Variants in MINPP1 observed in about 807,000 individuals in gnomAD.
The protein encoded by MINPP1 is multiple inositol polyphosphate phosphatase 1.
In MINPP1, 28 loss-of-function variants were observed where a neutral mutation model predicts 46.1. The ratio of observed to expected loss-of-function variants is 0.61; its 90% CI spans 0.45 to 0.83. The LOEUF is 0.83. Among genes scored for constraint, MINPP1 ranks in the 40% least tolerant of loss-of-function variants. The pLI is 0.00. For synonymous variants in MINPP1, 268 were observed against 249.1 expected (o/e 1.08, Z -0.72); for missense variants, 603 against 610.0 (o/e 0.99, Z 0.12).
In MINPP1 at chr10:87,517,182, G is replaced by T. The variant is rs372751917; in HGVS notation, c.934-3854G>T. 4.6e-5 allele frequency among the ~76,000 whole-genome samples: 7 copies of T among 152,140 alleles called. No individual in the cohort carries two copies. The East Asian group carries it at 7.7e-4, about 17-fold the overall frequency. On this transcript the variant is annotated intron_variant, in intron 3 of 4. Coordinates refer to ENST00000371996, the MANE Select transcript of MINPP1 (RefSeq NM_004897.5). ...TCCCACGACACAAGTTAAAAAAAAA[G>T]CTTCCCATTTATAGATTGCTACTTA...
chr10:87,540,495 TCACACACACACACA>T (rs3062345), intron 4 of MINPP1, among the ~76,000 whole-genome samples: 164 of 149,166 alleles, frequency 1.1e-3, no homozygotes, highest in Non-Finnish European at 2.0e-3. Flanking sequence ...TCTCTCTCTG[TCACACACACACACA>T]CACACACACA....
intron 4 of MINPP1, among the ~76,000 whole-genome samples, chr10:87,543,225 A>C (rs553106946): frequency 1.3e-5 from 2 of 152,294 alleles, no homozygotes; most frequent in East Asian, 3.9e-4. Context: ...AAATGACTTA[A>C]AGTTAGAACT....
intron 3 of MINPP1, 41 bp downstream of exon 3, chr10:87,513,262 AT>A (rs1043738868): frequency 5.2e-5 from 79 of 1,514,806 alleles, no homozygotes; most frequent in Admixed American, 1.5e-4. Flanking sequence ...TTTTAAAAAA[AT>A]TTTTTTTGGC....
rs1196551311 is a variant in MINPP1 at position 87,505,431 on chromosome 10, G to A, written c.516G>A (p.Glu172=). ...ASLFPALFSR[E]NYGRLRLITS... ...TCTTCCCGGCCCTTTTCAGCCGTGA[G>A]AACTACGGCCGCCTGCGGCTCATCA... Residue 172 remains glutamate (E), a synonymous_variant, in exon 1 of 5, where the codon GAG becomes GAA. Transcript: ENST00000371996. The surrounding 1 kb of genome is among the most constrained non-coding windows in gnomAD (Gnocchi z 4.4). 3 of 1,613,386 alleles carry A rather than the reference G, an allele frequency of 1.9e-6. No homozygotes were observed. The highest frequency in any genetic ancestry group is 2.5e-6 in the Non-Finnish European group (3 of 1,179,766).
chr10:87,522,527 A>G (rs966846512), intron 4 of MINPP1, among the ~76,000 whole-genome samples: 1 of 152,252 alleles, frequency 6.6e-6, no homozygotes, highest in Non-Finnish European at 1.5e-5. Context: ...CGGTGCATAT[A>G]AAAGTTATGT....
chr10:87,547,528 T>A (rs1226825411), intron 4 of MINPP1, among the ~76,000 whole-genome samples: 5 of 152,182 alleles, frequency 3.3e-5, no homozygotes, highest in Admixed American at 6.5e-5. Context: ...CCAAGTAAAA[T>A]TTTTTGGTAT....
chr10:87,538,320 C>G (rs372598600), intron 4 of MINPP1, among the ~76,000 whole-genome samples: 2 of 152,142 alleles, frequency 1.3e-5, no homozygotes, highest in South Asian at 4.1e-4. Context: ...AGGGCGACTT[C>G]CCGAGCTGTT....
chr10:87,508,886 AT>A (rs5786777), intron 2 of MINPP1, among the ~76,000 whole-genome samples: 17,116 of 152,150 alleles, frequency 0.11, 2,045 homozygotes, highest in East Asian at 0.31. Flanking sequence ...AATCATATAA[AT>A]TCTTTAGCTT....
chr10:87,553,260 A>T lies in MINPP1; in HGVS notation c.*782A>T, dbSNP rs1470038159. 2.0e-5 allele frequency: 3 copies of T among 151,970 alleles called. No homozygotes were observed. The highest frequency in any genetic ancestry group is 4.4e-5 in the Non-Finnish European group (3 of 67,968). The allele number at this position is 151,970 out of a possible 1,614,324, so 9.4% of individuals were successfully genotyped here. On this transcript the variant is annotated 3_prime_UTR_variant, in exon 5 of 5. Transcript: ENST00000371996. Reference sequence around the variant, plus strand: ...ATTCTGTCACTTGGCTTCGATTTTTATATTTTCCTATTATATGAAATGTAT... The same window carrying T: ...ATTCTGTCACTTGGCTTCGATTTTTTTATTTTCCTATTATATGAAATGTAT...
At chr10:87,535,788 G>C (rs570585280) in intron 4 of MINPP1, among the ~76,000 whole-genome samples, 233 of 152,150 alleles carry the variant, frequency 1.5e-3, no homozygotes, top group African/African-American at 5.3e-3. Context: ...AATTAGCCAG[G>C]CGTGGTGGCA....
chr10:87,523,766 A>G (rs1189779729), intron 4 of MINPP1, among the ~76,000 whole-genome samples: 1 of 152,248 alleles, frequency 6.6e-6, no homozygotes, highest in Admixed American at 6.5e-5. Flanking sequence ...TGAAAACAAC[A>G]TTAATTTCCT....
At chr10:87,527,321 G>A (rs1477491969) in intron 4 of MINPP1, among the ~76,000 whole-genome samples, 1 of 152,196 alleles carries the variant, frequency 6.6e-6, no homozygotes, top group Admixed American at 6.5e-5. Context: ...AGTAGGAGTG[G>A]TGAGAGAAGG....
intron 4 of MINPP1, among the ~76,000 whole-genome samples, chr10:87,541,547 A>G (rs1024907285): frequency 2.0e-5 from 3 of 152,352 alleles, no homozygotes; most frequent in South Asian, 2.1e-4. Flanking sequence ...CAACACAACA[A>G]TAGTCAACAC....
chr10:87,520,778 A>G (rs1851489297), intron 3 of MINPP1, among the ~76,000 whole-genome samples: 1 of 152,106 alleles, frequency 6.6e-6, no homozygotes, highest in Admixed American at 6.5e-5. Flanking sequence ...ACCTTGGATG[A>G]TTGGCTGTGA....
chr10:87,543,758 G>A (rs563732376), intron 4 of MINPP1, among the ~76,000 whole-genome samples: 3 of 152,236 alleles, frequency 2.0e-5, no homozygotes, highest in Admixed American at 2.0e-4. Context: ...GAAGGGGGAG[G>A]CCCCAGACTC....
intron 4 of MINPP1, among the ~76,000 whole-genome samples, chr10:87,535,743 CAG>C (rs1851725299): frequency 1.3e-5 from 2 of 151,876 alleles, no homozygotes; most frequent in African/African-American, 4.8e-5. Context: ...GCGTGGGCAA[CAG>C]GGGTAATCCC....
chr10:87,512,723 A>G (rs1349140825), intron 2 of MINPP1, among the ~76,000 whole-genome samples: 3 of 152,152 alleles, frequency 2.0e-5, no homozygotes, highest in African/African-American at 4.8e-5. Flanking sequence ...TGCTCTTAAC[A>G]AGTAATTGCC....
chr10:87,513,392 A>C lies in MINPP1; in HGVS notation c.933+171A>C, dbSNP rs548995398. Among the ~76,000 whole-genome samples the C allele has an allele frequency of 8.5e-5, 13 of 152,326 alleles. No individual in the cohort carries two copies. The South Asian group carries it at 2.3e-3, about 27-fold the overall frequency. On this transcript the variant is annotated intron_variant, in intron 3 of 4. Transcript: ENST00000371996. ...TAAATAAAGAGAGATTAAAGGTTCA[A>C]ATTGGTCCCACCTACTTGTAAATAG...
chr10:87,507,815 G>A (rs879536669), intron 1 of MINPP1: 168 of 1,022,138 alleles, frequency 1.6e-4, no homozygotes, highest in Non-Finnish European at 2.0e-4. Flanking sequence ...TGAAGCACAG[G>A]AGACCCAAAA....
Sources: allele counts gnomAD v4.1 joint callset (sites outside exome capture counted in the v4.1 genomes callset), GRCh38; gene constraint gnomAD v4.1.1; non-coding constraint Gnocchi (gnomAD v3.1); transcripts MANE v1.5; gene names NCBI Gene and HGNC (gene_info 2026-07-23, HGNC 2026-07-21).